The following MYOM1 variants were observed in gnomAD, a reference collection of about 807,000 sequenced individuals.
The protein encoded by MYOM1 is myomesin 1, also known as myomesin-1.
MYOM1 carries 164 observed loss-of-function variants against 205.3 expected under a neutral mutation model. The observed-to-expected ratio is 0.80, with a 90% CI of 0.70 to 0.91. MYOM1 has a LOEUF of 0.91. Ranked by LOEUF, MYOM1 falls within the 40% of genes least tolerant of loss-of-function variation. MYOM1 has a pLI of 0.00. For synonymous variants in MYOM1, 772 were observed against 789.4 expected (o/e 0.98, Z 0.37); for missense variants, 2,011 against 2,127.3 (o/e 0.95, Z 1.08).
At chr18:3,121,849 T>C (rs2079696477) in intron 19 of MYOM1, among the ~76,000 whole-genome samples, 1 of 152,068 alleles carries the variant, frequency 6.6e-6, no homozygotes, top group African/African-American at 2.4e-5. Context: ...CCAGGTGTGG[T>C]GTCTGACGCC....
chr18:3,229,312 A>G, the MYOM1 span, among the ~76,000 whole-genome samples: 1 of 151,948 alleles, frequency 6.6e-6, no homozygotes, highest in Non-Finnish European at 1.5e-5. Context: ...AATTAACTCC[A>G]TATCTCTGGC....
rs192264756 is a variant in MYOM1, at chr18:3,212,809, T to C, written c.290+2125A>G. 2.6e-3 allele frequency among the ~76,000 whole-genome samples: 392 copies of C among 150,288 alleles called. 5 individuals are homozygous for C. Among genetic ancestry groups the C allele is most frequent in the African/African-American group, 9.2e-3 (372 of 40,508 alleles). On this transcript the variant is annotated intron_variant, in intron 2 of 37. Transcript: ENST00000356443. ...ACAAATTGAGGCTGTCATATACATA[T>C]GGTATTAATTCCTCCCAGCTTTTAT...
At chr18:3,239,756 CAAAAAAAAAAAAAA>C in the MYOM1 span, among the ~76,000 whole-genome samples, 1 of 42,180 alleles carries the variant, frequency 2.4e-5, no homozygotes, top group Non-Finnish European at 4.4e-5. Flanking sequence ...CACCTTGTCT[CAAAAAAAAAAAAAA>C]AAAAAAAAAA....
intron 21 of MYOM1, among the ~76,000 whole-genome samples, chr18:3,113,193 CATATATACACACATGTATAT>C (rs71159043): frequency 0.69 from 19,176 of 27,700 alleles, 7,422 homozygotes; most frequent in East Asian, 0.94. Context: ...CACACACATA[CATATATACACACATGTATAT>C]ATATATACAC....
intron 13 of MYOM1, among the ~76,000 whole-genome samples, chr18:3,148,703 A>G (rs7505972): frequency 0.55 from 82,723 of 151,262 alleles, 23,780 homozygotes; most frequent in African/African-American, 0.72. Flanking sequence ...AAAATTAGCC[A>G]GGCGTAGTGG....
intron 5 of MYOM1, among the ~76,000 whole-genome samples, chr18:3,178,959 C>G (rs2080689360): frequency 2.0e-5 from 3 of 152,046 alleles, no homozygotes; most frequent in Admixed American, 2.0e-4. Flanking sequence ...CCTCCACCTC[C>G]CAGGCTCGAG....
chr18:3,176,819 T>A (rs1309151982), intron 5 of MYOM1, among the ~76,000 whole-genome samples: 1 of 151,982 alleles, frequency 6.6e-6, no homozygotes, highest in African/African-American at 2.4e-5. Flanking sequence ...GAGGCGGAGG[T>A]TGCAGTGAGC....
intron 22 of MYOM1, among the ~76,000 whole-genome samples, chr18:3,104,745 CTT>C (rs745369627): frequency 3.7e-5 from 3 of 80,596 alleles, no homozygotes; most frequent in Admixed American, 2.0e-4. Context: ...GAATTGGAAT[CTT>C]TTTTTTTTTT....
intron 9 of MYOM1, among the ~76,000 whole-genome samples, chr18:3,168,436 A>C (rs56247725): frequency 0.039 from 5,954 of 152,108 alleles, 163 homozygotes; most frequent in African/African-American, 0.073. Flanking sequence ...TTACAGGTGC[A>C]CACCACCACG....
chr18:3,232,751 T>C, the MYOM1 span, among the ~76,000 whole-genome samples: 1 of 152,238 alleles, frequency 6.6e-6, no homozygotes, highest in Non-Finnish European at 1.5e-5. Flanking sequence ...AGTTGTGATA[T>C]ATGCTATAAG....
intron 22 of MYOM1, among the ~76,000 whole-genome samples, chr18:3,105,658 C>T (rs2079442551): frequency 6.6e-6 from 1 of 152,060 alleles, no homozygotes. Context: ...AGTTCAAAAC[C>T]AGCCTGGCCA....
rs960653374 is a variant in MYOM1, at chr18:3,135,310, T to C, written c.2209+237A>G. The C allele has an allele frequency of 7.0e-6, 3 of 425,850 alleles. No individual in the cohort carries two copies. The highest frequency in any genetic ancestry group is 8.3e-6 in the Non-Finnish European group (2 of 241,220). 26.4% of individuals were successfully genotyped at this position (425,850 alleles called of 1,614,324 possible). A position where few individuals can be genotyped will look rare whatever the true frequency, so the allele number is the denominator to read the frequency against. On this transcript the variant is annotated intron_variant, in intron 15 of 37. Coordinates refer to ENST00000356443, the MANE Select transcript of MYOM1 (RefSeq NM_003803.4). This position sits in a 1 kb window ranked among gnomAD's most constrained non-coding sequence, Gnocchi z 4.1. ...AGTTAGGGAGCATGGATAAACTAAA[T>C]GTCCATGAACTTCAGAAAAAACACA...
intron 21 of MYOM1, among the ~76,000 whole-genome samples, chr18:3,112,639 C>A (rs979693873): frequency 6.6e-6 from 1 of 152,208 alleles, no homozygotes; most frequent in African/African-American, 2.4e-5. Context: ...TTTCCAATAT[C>A]CATTCTCACT....
chr18:3,090,715 A>G lies in MYOM1; in HGVS notation c.3952T>C (p.Phe1318Leu). The G allele has an allele frequency of 1.9e-6, 3 of 1,613,928 alleles. No homozygotes were observed. Among genetic ancestry groups the G allele is most frequent in the Non-Finnish European group, 2.5e-6 (3 of 1,179,870 alleles). ...LQDEDEGTYT[F>L]QLQDGKATNH... is the part of the protein sequence containing the mutation. ...GTTGCTTTTCCATCTTGAAGCTGGAAAGTGTACGTTCCCTCATCCTCATCC... is the reference window on the plus strand; with the variant it reads ...GTTGCTTTTCCATCTTGAAGCTGGAGAGTGTACGTTCCCTCATCCTCATCC... The change falls in exon 27 of 38, where the codon TTC (phenylalanine) becomes CTC (leucine). Residue 1318 changes from phenylalanine to leucine, a missense_variant. By Grantham distance (22) the Phe-to-Leu change is conservative (BLOSUM62 0). Transcript: ENST00000356443.
the MYOM1 span, among the ~76,000 whole-genome samples, chr18:3,230,954 A>G: frequency 6.6e-6 from 1 of 152,354 alleles, no homozygotes; most frequent in East Asian, 1.9e-4. Flanking sequence ...CCCCAAAGTG[A>G]CACAGCTACT....
rs771870754 is a variant in MYOM1 at position 3,129,282 on chromosome 18, G to C, written c.2744C>G (p.Ala915Gly). The C allele has an allele frequency of 1.2e-6, 2 of 1,613,984 alleles. No individual in the cohort carries two copies. Among genetic ancestry groups the C allele is most frequent in the South Asian group, 2.2e-5 (2 of 91,078 alleles). Residue 915 changes from alanine (A) to glycine (G), a missense_variant, in exon 18 of 38, where the codon GCT (alanine) becomes GGT (glycine). Coordinates refer to ENST00000356443, the MANE Select transcript of MYOM1 (RefSeq NM_003803.4). Reference sequence around the variant, plus strand: ...GTCAGACTTACTTTTCCCCTGAGGAGCCGCTTTCTGTGGTGGCGGGGTAAG... The same window carrying C: ...GTCAGACTTACTTTTCCCCTGAGGACCCGCTTTCTGTGGTGGCGGGGTAAG... ...EELTPPPQKAAPQGKSKSDPL... is the reference protein window; with the variant it reads ...EELTPPPQKAGPQGKSKSDPL...
rs189464038 is a variant in MYOM1 at position 3,159,831 on chromosome 18, T to C, written c.1501+4447A>G. 1.8e-3 allele frequency among the ~76,000 whole-genome samples: 278 copies of C among 152,136 alleles called. 3 individuals carry two copies. Among genetic ancestry groups the C allele is most frequent in the African/African-American group, 6.3e-3 (262 of 41,504 alleles). ...CTAGACTGGTTATGGGAGAGGGAAATAGGGAGGAGAAATCTTTTTGGGGTG... is the reference window on the plus strand; with the variant it reads ...CTAGACTGGTTATGGGAGAGGGAAACAGGGAGGAGAAATCTTTTTGGGGTG... On this transcript the variant is annotated intron_variant, in intron 10 of 37. Coordinates refer to ENST00000356443, the MANE Select transcript of MYOM1 (RefSeq NM_003803.4).
chr18:3,129,644 G>T, intron 17 of MYOM1, 125 bp from the exon 18 acceptor site: 1 of 1,022,546 alleles, frequency 9.8e-7, no homozygotes, highest in Non-Finnish European at 1.4e-6. Flanking sequence ...TTGGCTTAAA[G>T]AAAATCGCTC....
At chr18:3,182,509 A>G (rs1220329925) in intron 5 of MYOM1, among the ~76,000 whole-genome samples, 1 of 152,208 alleles carries the variant, frequency 6.6e-6, no homozygotes, top group Non-Finnish European at 1.5e-5. Context: ...ACTATTTCAC[A>G]TAATGTTTAA....
Sources: allele counts gnomAD v4.1 joint callset (sites outside exome capture counted in the v4.1 genomes callset), GRCh38; gene constraint gnomAD v4.1.1; non-coding constraint Gnocchi (gnomAD v3.1); transcripts MANE v1.5; gene names NCBI Gene and HGNC (gene_info 2026-07-23, HGNC 2026-07-21).